STRBP: variants seen among roughly 807,000 people sequenced by gnomAD.
The protein encoded by STRBP is spermatid perinuclear RNA binding protein.
Under a neutral mutation model 80.1 loss-of-function variants are expected in STRBP, and 13 were observed. The observed-to-expected ratio is 0.16, with a 90% CI of 0.11 to 0.26. The LOEUF (loss-of-function observed/expected upper bound fraction) is 0.26. STRBP is among the 10% of genes least tolerant of loss of function. STRBP has a pLI of 1.00. For missense variants in STRBP, 485 were observed against 815.2 expected (o/e 0.59, Z 4.93); for synonymous variants, 284 against 291.2 (o/e 0.98, Z 0.25).
chr9:123,219,318 C>T (rs9408943), intron 2 of STRBP, among the ~76,000 whole-genome samples: 4,848 of 152,232 alleles, frequency 0.032, 250 homozygotes, highest in African/African-American at 0.11. Context: ...AGAGTCTCTA[C>T]GATTTCAACC....
chr9:123,131,973 A>G (rs1473433612), intron 17 of STRBP, among the ~76,000 whole-genome samples: 1 of 152,248 alleles, frequency 6.6e-6, no homozygotes, highest in Non-Finnish European at 1.5e-5. Flanking sequence ...ATCAGTATCT[A>G]CAAGTGGTTT....
intron 4 of STRBP, among the ~76,000 whole-genome samples, chr9:123,176,890 G>A (rs779676718): frequency 3.9e-5 from 6 of 152,232 alleles, no homozygotes; most frequent in Non-Finnish European, 8.8e-5. Context: ...CATATTGTAG[G>A]ACCTTGTATA....
chr9:123,223,956 AAAG>A (rs1472117359), intron 2 of STRBP, among the ~76,000 whole-genome samples: 2 of 152,210 alleles, frequency 1.3e-5, no homozygotes, highest in Non-Finnish European at 2.9e-5. Context: ...AAGTAGAAGC[AAAG>A]AAGAGTACGC....
chr9:123,116,826 T>A (rs1230435680), downstream of STRBP, among the ~76,000 whole-genome samples: 1 of 152,218 alleles, frequency 6.6e-6, no homozygotes, highest in Non-Finnish European at 1.5e-5. Flanking sequence ...GCAAGTCACC[T>A]TATCTAAGCA....
rs1198181978 is a variant in STRBP at position 123,179,076 on chromosome 9, GT to G, written c.154del (p.Thr52GlnfsTer13). The G allele has an allele frequency of 6.2e-7, 1 of 1,613,812 alleles. No individual in the cohort carries two copies. On this transcript the variant is annotated frameshift_variant, in exon 4 of 19. Coordinates refer to ENST00000348403, the MANE Select transcript of STRBP (RefSeq NM_018387.5). LOFTEE classifies it high-confidence loss of function. ...ACCCTCTGTTTTTGTGCCTTTATTT[GT>G]TTCATCCAACCAATCTGAGACATGT... Reference protein sequence around the residue: ...LKHVSDWLDETNKGTKTEGET... With the variant: ...LKHVSDWLDEXNKGTKTEGET...
chr9:123,215,837 A>C (rs932417190), intron 2 of STRBP, among the ~76,000 whole-genome samples: 3 of 152,218 alleles, frequency 2.0e-5, no homozygotes, highest in African/African-American at 7.2e-5. Flanking sequence ...ACATTCTAAA[A>C]TTCTACGAAC....
rs2036359384 is a variant in STRBP, at chr9:123,136,519, T to TA, written c.1498-5dup. The TA allele has an allele frequency of 8.7e-6, 14 of 1,612,076 alleles. No individual in the cohort carries two copies. Among genetic ancestry groups the TA allele is most frequent in the Non-Finnish European group, 1.2e-5 (14 of 1,179,522 alleles). On this transcript the variant is annotated splice_polypyrimidine_tract_variant and splice_region_variant and intron_variant, in intron 14 of 18. Coordinates refer to ENST00000348403, the MANE Select transcript of STRBP (RefSeq NM_018387.5). The surrounding 1 kb of genome is among the most constrained non-coding windows in gnomAD (Gnocchi z 4.2). Reference sequence around the variant, plus strand: ...GGATAGGGCCCTGAGTTCTTACCTATAAGAGAAAGGGAATCTGAAGGTTCA... The same window carrying TA: ...GGATAGGGCCCTGAGTTCTTACCTATAAAGAGAAAGGGAATCTGAAGGTTCA...
At chr9:123,118,914 A>T (rs2132281545), downstream of STRBP, among the ~76,000 whole-genome samples, 1 of 152,342 alleles carries the variant, frequency 6.6e-6, no homozygotes, top group East Asian at 1.9e-4. Context: ...ATCCAAAAGC[A>T]TCAATTTCAT....
At chr9:123,180,355 G>C (rs542275280) in intron 3 of STRBP, among the ~76,000 whole-genome samples, 68 of 152,168 alleles carry the variant, frequency 4.5e-4, no homozygotes, top group Admixed American at 1.5e-3. Flanking sequence ...CATTAAAATA[G>C]TGTTCACTAT....
intron 8 of STRBP, 68 bp downstream of exon 8, chr9:123,160,299 T>C (rs1489232549): frequency 1.7e-6 from 2 of 1,155,302 alleles, no homozygotes; most frequent in African/African-American, 3.1e-5. Flanking sequence ...TAAAGTAACA[T>C]CTCATTTCTA....
intron 2 of STRBP, among the ~76,000 whole-genome samples, chr9:123,217,474 C>G (rs1040998704): frequency 6.6e-6 from 1 of 152,118 alleles, no homozygotes; most frequent in African/African-American, 2.4e-5. Context: ...TCTAAGTTGT[C>G]AGTGAAAACA....
intron 2 of STRBP, among the ~76,000 whole-genome samples, chr9:123,187,818 T>C (rs1282497921): frequency 7.3e-6 from 1 of 137,878 alleles, no homozygotes; most frequent in Admixed American, 8.0e-5. Context: ...CATATTACCT[T>C]AGTGTGGTAC....
intron 2 of STRBP, among the ~76,000 whole-genome samples, chr9:123,193,169 G>C (rs1158093289): frequency 1.3e-5 from 2 of 152,018 alleles, no homozygotes; most frequent in African/African-American, 2.4e-5. Context: ...CACTTTTTCA[G>C]CTTCCTTTAT....
Position 123,226,989 on chromosome 9 carries a change from T to C in STRBP, c.-165+9841A>G, listed in dbSNP as rs189727580. Among the ~76,000 whole-genome samples, 906 of 152,246 alleles carry C rather than the reference T, an allele frequency of 6.0e-3. 4 individuals are homozygous for C. Among genetic ancestry groups the C allele is most frequent in the Non-Finnish European group, 9.1e-3 (621 of 68,016 alleles). ...GCATCACATGAGCGAGAGAAAGAGA[T>C]CTAATTCACAGCCTCAAGTTCTTTT... On this transcript the variant is annotated intron_variant, in intron 2 of 18. Coordinates refer to ENST00000348403, the MANE Select transcript of STRBP (RefSeq NM_018387.5).
intron 3 of STRBP, chr9:123,111,701 T>G: frequency 2.3e-6 from 1 of 441,458 alleles, no homozygotes; most frequent in African/African-American, 2.1e-5. Context: ...GCATTCTCTT[T>G]ACCCAGTGTC....
chr9:123,199,188 C>A (rs556527075), intron 2 of STRBP, among the ~76,000 whole-genome samples: 135 of 152,322 alleles, frequency 8.9e-4, no homozygotes, highest in African/African-American at 2.9e-3. Context: ...CCCGCCTCAG[C>A]CTCCCAAAGT....
At chr9:123,256,844 C>G (rs972996675) in intron 1 of STRBP, among the ~76,000 whole-genome samples, 4 of 151,844 alleles carry the variant, frequency 2.6e-5, no homozygotes, top group Non-Finnish European at 5.9e-5. Context: ...AAAACCCACA[C>G]AGACATGGGG....
chr9:123,175,535 T>A (rs2038183378), intron 4 of STRBP, among the ~76,000 whole-genome samples: 1 of 152,190 alleles, frequency 6.6e-6, no homozygotes, highest in South Asian at 2.1e-4. Context: ...TGAAAAATGT[T>A]AAAGGTGGTA....
chr9:123,203,865 G>C (rs1005128863), intron 2 of STRBP, among the ~76,000 whole-genome samples: 2 of 152,022 alleles, frequency 1.3e-5, no homozygotes, highest in African/African-American at 4.8e-5. Context: ...CTAGCTACTC[G>C]GGAGTCTGAG....
Sources: allele counts gnomAD v4.1 joint callset (sites outside exome capture counted in the v4.1 genomes callset), GRCh38; gene constraint gnomAD v4.1.1; non-coding constraint Gnocchi (gnomAD v3.1); transcripts MANE v1.5; gene names NCBI Gene and HGNC (gene_info 2026-07-23, HGNC 2026-07-21).